TGIF2: variants seen among roughly 807,000 people sequenced by gnomAD.
TGIF2 encodes the protein homeobox protein TGIF2.
TGIF2 carries 5 observed loss-of-function variants against 15.1 expected under a neutral mutation model. The ratio of observed to expected loss-of-function variants is 0.33; its 90% CI spans 0.17 to 0.70. The LOEUF (loss-of-function observed/expected upper bound fraction) is 0.70, where lower values mean the gene tolerates loss of function less well. TGIF2 is among the 30% of genes least tolerant of loss of function. The pLI, the probability that TGIF2 is intolerant of heterozygous loss-of-function variation, is 0.67. For missense variants in TGIF2, 264 were observed against 302.5 expected, an observed-to-expected ratio of 0.87 and a Z score of 0.94; for synonymous variants, 131 against 128.9, an observed-to-expected ratio of 1.02 and a Z score of -0.11.
chr20:36,586,887 C>T (rs2038671027), intron 2 of TGIF2, among the ~76,000 whole-genome samples: 3 of 152,200 alleles, frequency 2.0e-5, no homozygotes, highest in South Asian at 4.1e-4. Flanking sequence ...CTGCTCCCAG[C>T]ATCACAGCCT....
At chr20:36,575,750 A>T (rs2038415014) in intron 1 of TGIF2, among the ~76,000 whole-genome samples, 1 of 152,140 alleles carries the variant, frequency 6.6e-6, no homozygotes. Context: ...CTGAGAAGGG[A>T]GGAGCCTTGA....
chr20:36,589,974 C>T (rs556897049), intron 2 of TGIF2, among the ~76,000 whole-genome samples: 1 of 152,120 alleles, frequency 6.6e-6, no homozygotes, highest in East Asian at 1.9e-4. Flanking sequence ...CAGGCGTGAG[C>T]TGCAGCACCC....
At chr20:36,576,215 G>T (rs1389587079) in intron 1 of TGIF2, among the ~76,000 whole-genome samples, 1 of 152,214 alleles carries the variant, frequency 6.6e-6, no homozygotes, top group Non-Finnish European at 1.5e-5. Flanking sequence ...CATTTGACAG[G>T]TGAAGAGGGG....
In TGIF2 at chr20:36,578,011, G is replaced by T. The variant is rs2038467088; in HGVS notation, c.-34-730G>T. Among the ~76,000 whole-genome samples the T allele has an allele frequency of 2.0e-5, 3 of 152,204 alleles. 1 individual carries two copies. In the South Asian group the frequency reaches 6.2e-4, roughly 32 times the overall value. ...GTGTGTGTGTGTGAGCCACTGCGCAGGCCTTGGGCAGCTTTCTTGATCTCT... is the reference window on the plus strand; with the variant it reads ...GTGTGTGTGTGTGAGCCACTGCGCATGCCTTGGGCAGCTTTCTTGATCTCT... On this transcript the variant is annotated intron_variant, in intron 1 of 2. Coordinates refer to ENST00000373872, the MANE Select transcript of TGIF2 (RefSeq NM_021809.7).
chr20:36,586,729 A>C (rs1485660593), intron 2 of TGIF2, among the ~76,000 whole-genome samples: 2 of 133,030 alleles, frequency 1.5e-5, no homozygotes, highest in East Asian at 5.1e-4. Context: ...CCCTAAGGTG[A>C]TTCTAATACA....
At chr20:36,573,902 C>T (rs150841046) in intron 1 of TGIF2, among the ~76,000 whole-genome samples, 157 bp downstream of exon 1, 1,540 of 151,374 alleles carry the variant, frequency 0.01, 20 homozygotes, top group South Asian at 0.025. Context: ...CCGACGGCCC[C>T]CGGGGGGTGT....
At chr20:36,589,555 G>A (rs1289242137) in intron 2 of TGIF2, among the ~76,000 whole-genome samples, 6 of 152,018 alleles carry the variant, frequency 3.9e-5, no homozygotes, top group African/African-American at 1.4e-4. Flanking sequence ...ACCACACCCG[G>A]CTAATTTTTG....
At chr20:36,576,373 T>A (rs1230748893) in intron 1 of TGIF2, among the ~76,000 whole-genome samples, 1 of 152,194 alleles carries the variant, frequency 6.6e-6, no homozygotes, top group Non-Finnish European at 1.5e-5. Context: ...AAGCAACCAG[T>A]AGAGAGATGA....
At chr20:36,574,270 T>TG (rs936219665) in intron 1 of TGIF2, among the ~76,000 whole-genome samples, 2 of 151,818 alleles carry the variant, frequency 1.3e-5, no homozygotes, top group African/African-American at 4.8e-5. Flanking sequence ...CCGAGGCATC[T>TG]GTCACTCCCA....
intron 1 of TGIF2, 132 bp downstream of exon 1, chr20:36,573,877 GGGTGTTTGTGAGTCCCGAC>G (rs2038353455): frequency 6.6e-6 from 1 of 151,600 alleles, no homozygotes; most frequent in African/African-American, 2.4e-5. Flanking sequence ...GTGAGCTCGG[GGGTGTTTGTGAGTCCCGAC>G]GGCCCCCGGG....
At chr20:36,583,274 A>T (rs2038581683) in intron 2 of TGIF2, among the ~76,000 whole-genome samples, 1 of 151,216 alleles carries the variant, frequency 6.6e-6, no homozygotes, top group African/African-American at 2.4e-5. Context: ...TGTCTCAAAA[A>T]AAAAAAACAA....
rs577177898 is a variant in TGIF2, at chr20:36,589,822, G to A, written c.193-1088G>A. ...TATCACCTCAGCCTCGCAAGTAGCC[G>A]AGACTACAGACACGCACCACCATAC... On this transcript the variant is annotated intron_variant, in intron 2 of 2. Coordinates refer to ENST00000373872, the MANE Select transcript of TGIF2 (RefSeq NM_021809.7). 4.6e-5 allele frequency among the ~76,000 whole-genome samples: 7 copies of A among 152,204 alleles called. No homozygotes were observed. The South Asian group carries it at 1.0e-3, about 23-fold the overall frequency.
At chr20:36,586,512 C>T (rs952561970) in intron 2 of TGIF2, among the ~76,000 whole-genome samples, 3 of 152,066 alleles carry the variant, frequency 2.0e-5, no homozygotes, top group Non-Finnish European at 2.9e-5. Context: ...CTGGCCAACA[C>T]GGTGAAACCC....
chr20:36,587,176 C>T (rs1040476790), intron 2 of TGIF2, among the ~76,000 whole-genome samples: 1 of 152,234 alleles, frequency 6.6e-6, no homozygotes, highest in African/African-American at 2.4e-5. Flanking sequence ...GCCACTCAGT[C>T]CCCCCGCGTT....
rs1418207008 is a variant in TGIF2 at position 36,591,242 on chromosome 20, C to T, written c.525C>T (p.Pro175=). ...TLLTRAEAGS[P]TGGLFNTPPP... is the part of the protein sequence containing the mutation. Reference sequence around the variant, plus strand: ...TGACCAGGGCTGAGGCTGGAAGCCCCACAGGTGGACTCTTCAACACGCCAC... The same window carrying T: ...TGACCAGGGCTGAGGCTGGAAGCCCTACAGGTGGACTCTTCAACACGCCAC... The change falls in exon 3 of 3, where the codon CCC becomes CCT. Residue 175 remains proline, a synonymous_variant. Coordinates refer to ENST00000373872, the MANE Select transcript of TGIF2 (RefSeq NM_021809.7). The surrounding 1 kb of genome is among the most constrained non-coding windows in gnomAD (Gnocchi z 5.3). 1 of 1,614,208 alleles carries T rather than the reference C, an allele frequency of 6.2e-7. No homozygotes were observed. Among genetic ancestry groups the T allele is most frequent in the South Asian group, 1.1e-5 (1 of 91,092 alleles).
At chr20:36,577,581 C>T (rs1368340622) in intron 1 of TGIF2, among the ~76,000 whole-genome samples, 2 of 147,710 alleles carry the variant, frequency 1.4e-5, no homozygotes, top group East Asian at 4.0e-4. Context: ...TGCGGTGGCA[C>T]GATTTCGGCT....
In TGIF2 at chr20:36,593,622, G is replaced by A. The variant is rs1432297704; in HGVS notation, c.*2191G>A. On this transcript the variant is annotated 3_prime_UTR_variant, in exon 3 of 3. Transcript: ENST00000373872. ...GCCCAGCCTCTTCCATCCCAGCCCT[G>A]TCAGTGAGCCCAGGTCTGGTGCAAC... 1 of 152,736 alleles carries A rather than the reference G, an allele frequency of 6.5e-6. No homozygotes were observed. Among genetic ancestry groups the A allele is most frequent in the Non-Finnish European group, 1.5e-5 (1 of 68,132 alleles). The allele number at this position is 152,736 out of a possible 1,614,324, so 9.5% of individuals were successfully genotyped here.
intron 2 of TGIF2, among the ~76,000 whole-genome samples, chr20:36,587,670 C>T (rs976007265): frequency 6.6e-6 from 1 of 152,168 alleles, no homozygotes; most frequent in African/African-American, 2.4e-5. Context: ...TTGTGACCTT[C>T]AACAAGTTTC....
chr20:36,576,931 CT>C (rs1248811215), intron 1 of TGIF2, among the ~76,000 whole-genome samples: 1 of 152,206 alleles, frequency 6.6e-6, no homozygotes. Context: ...TCTTGAACTA[CT>C]GAGCTCAAGC....
Sources: allele counts gnomAD v4.1 joint callset (sites outside exome capture counted in the v4.1 genomes callset), GRCh38; gene constraint gnomAD v4.1.1; non-coding constraint Gnocchi (gnomAD v3.1); transcripts MANE v1.5; gene names NCBI Gene and HGNC (gene_info 2026-07-23, HGNC 2026-07-21).